The following ESR2 variants were observed in gnomAD, a reference collection of about 807,000 sequenced individuals.
ESR2 encodes estrogen receptor beta.
ESR2 carries 36 observed loss-of-function variants against 49.6 expected under a neutral mutation model. The observed-to-expected ratio is 0.73, with a 90% confidence interval of 0.56 to 0.96. The LOEUF (loss-of-function observed/expected upper bound fraction) is 0.96. Ranked by LOEUF, ESR2 falls within the 40% of genes least tolerant of loss-of-function variation. The pLI, the probability that ESR2 is intolerant of heterozygous loss-of-function variation, is 0.00. For synonymous variants in ESR2, 320 were observed against 266.1 expected, an observed-to-expected ratio of 1.20 and a Z score of -1.97; for missense variants, 714 against 693.0, an observed-to-expected ratio of 1.03 and a Z score of -0.34.
In ESR2 at chr14:64,230,864, A is replaced by ATT. The variant is rs1301819610; in HGVS notation, c.*2271_*2272dup. 2 of 83,190 alleles carry ATT rather than the reference A, an allele frequency of 2.4e-5. No individual in the cohort carries two copies. The highest frequency in any genetic ancestry group is 2.2e-4 in the East Asian group (1 of 4,596). The allele number at this position is 83,190 out of a possible 1,614,324, so 5.2% of individuals were successfully genotyped here. ...TAAGATCTACTCTCAAAAAAAAAAAATTATATATATATATATATATATATT... is the reference window on the plus strand; with the variant it reads ...TAAGATCTACTCTCAAAAAAAAAAAATTTTATATATATATATATATATATATT... On this transcript the variant is annotated 3_prime_UTR_variant, in exon 9 of 9. Transcript: ENST00000341099.
chr14:64,235,241 A>T (rs1204934691), intron 7 of ESR2, 91 bp from the exon 8 acceptor site: 9 of 1,400,206 alleles, frequency 6.4e-6, no homozygotes, highest in Non-Finnish European at 7.8e-6. Context: ...CTCCGAGGTG[A>T]TCTGGGTTGC....
intron 1 of ESR2, among the ~76,000 whole-genome samples, chr14:64,324,666 G>A (rs73269927): frequency 0.045 from 6,791 of 152,194 alleles, 320 homozygotes; most frequent in African/African-American, 0.12. Context: ...TGCTGAGTAA[G>A]CATCTGAATT....
intron 1 of ESR2, among the ~76,000 whole-genome samples, chr14:64,288,813 C>T (rs1026854764): frequency 3.3e-5 from 5 of 150,948 alleles, no homozygotes; most frequent in African/African-American, 7.3e-5. Flanking sequence ...ATGGAGAAAC[C>T]CAGTCTCTAC....
At position 64,229,599 on chromosome 14, in the gene ESR2, A is replaced by G. The variant is rs1596356070; in HGVS notation, c.*3538T>C. ...ACCTGATAGATTCTGCAGTTTTAAAATATTTTTCTTTAAATTTTTAAACTG... is the reference window on the plus strand; with the variant it reads ...ACCTGATAGATTCTGCAGTTTTAAAGTATTTTTCTTTAAATTTTTAAACTG... On this transcript the variant is annotated 3_prime_UTR_variant, in exon 9 of 9. Transcript: ENST00000341099. Among the ~76,000 whole-genome samples the G allele has an allele frequency of 6.6e-6, 1 of 152,200 alleles. No individual in the cohort carries two copies. Among genetic ancestry groups the G allele is most frequent in the East Asian group, 1.9e-4 (1 of 5,192 alleles).
intron 3 of ESR2, among the ~76,000 whole-genome samples, chr14:64,278,086 G>A (rs932751983): frequency 3.3e-5 from 5 of 152,140 alleles, no homozygotes; most frequent in African/African-American, 4.8e-5. Flanking sequence ...AATAGTCATC[G>A]TATCAAGAAT....
chr14:64,282,199 G>A (rs902106233), intron 2 of ESR2, among the ~76,000 whole-genome samples: 1 of 152,140 alleles, frequency 6.6e-6, no homozygotes, highest in African/African-American at 2.4e-5. Flanking sequence ...TAAAAAATGA[G>A]CTGGGCGTGG....
chr14:64,261,182 G>T (rs2076213103), intron 4 of ESR2, among the ~76,000 whole-genome samples: 1 of 149,418 alleles, frequency 6.7e-6, no homozygotes, highest in African/African-American at 2.5e-5. Flanking sequence ...ATATAGAAGA[G>T]AATAAATTTT....
intron 3 of ESR2, among the ~76,000 whole-genome samples, chr14:64,272,652 C>T (rs575968482): frequency 2.6e-5 from 4 of 152,006 alleles, no homozygotes; most frequent in Admixed American, 2.0e-4. Flanking sequence ...ATTGAAGAGA[C>T]TATTTTCAAA....
At chr14:64,267,205 C>G (rs1210936128) in intron 4 of ESR2, among the ~76,000 whole-genome samples, 1 of 152,138 alleles carries the variant, frequency 6.6e-6, no homozygotes, top group Non-Finnish European at 1.5e-5. Context: ...AGAAAAAAAC[C>G]AAACTTGTCT....
chr14:64,260,647 C>T lies in ESR2; in HGVS notation c.754G>A (p.Ala252Thr), dbSNP rs543025691. 40 of 1,607,790 alleles carry T rather than the reference C, an allele frequency of 2.5e-5. No homozygotes were observed. The Admixed American group carries it at 3.7e-4, about 15-fold the overall frequency. ...AGKAKRSGGH[A>T]PRVRELLLDA... ...AGCAGCAGCTCCCGCACTCGGGGCGCGTGGCCGCCACTTCTCTTGGCCTTG... is the reference window on the plus strand; with the variant it reads ...AGCAGCAGCTCCCGCACTCGGGGCGTGTGGCCGCCACTTCTCTTGGCCTTG... Residue 252 changes from alanine to threonine, a missense_variant, in exon 5 of 9, where the codon GCG becomes ACG. Coordinates refer to ENST00000341099, the MANE Select transcript of ESR2 (RefSeq NM_001437.3).
Position 64,282,827 on chromosome 14 carries a change from C to G in ESR2, c.159G>C (p.Val53=). The part of the protein sequence containing the change: ...YPAMTFYSPA[V]MNYSIPSNVT... ...CATTGCTGGGAATGCTGTAATTCAT[C>G]ACAGCAGGGCTATAGAATGTCATGG... The change falls in exon 2 of 9, where the codon GTG becomes GTC. Residue 53 remains valine (V), a synonymous_variant. Transcript: ENST00000341099. 6.2e-7 allele frequency: 1 copy of G among 1,614,010 alleles called. No homozygotes were observed. Among genetic ancestry groups the G allele is most frequent in the Non-Finnish European group, 8.5e-7 (1 of 1,179,844 alleles).
chr14:64,289,465 T>C (rs1294690864), intron 1 of ESR2, among the ~76,000 whole-genome samples: 2 of 151,860 alleles, frequency 1.3e-5, no homozygotes, highest in Admixed American at 6.6e-5. Flanking sequence ...TGAGCTGAGA[T>C]TGTGCCATTA....
rs1335985951 is a variant in ESR2 at position 64,312,834 on chromosome 14, G to A, written c.-91+25064C>T. 7.9e-5 allele frequency among the ~76,000 whole-genome samples: 12 copies of A among 151,884 alleles called. No homozygotes were observed. The South Asian group carries it at 1.0e-3, about 13-fold the overall frequency. ...CAAGGCAGGAGAATCACTTGAACCC[G>A]GGAGGCAGAGGTTGCAGTGAGCCAA... On this transcript the variant is annotated intron_variant, in intron 1 of 8. Transcript: ENST00000358599.
chr14:64,260,559 A>C lies in ESR2; in HGVS notation c.842T>G (p.Leu281Arg). Residue 281 changes from leucine to arginine, a missense_variant, in exon 5 of 9, where the codon CTG becomes CGG. Leu to Arg is a moderately radical substitution (Grantham distance 102). Coordinates refer to ENST00000341099, the MANE Select transcript of ESR2 (RefSeq NM_001437.3). Reference sequence around the variant, plus strand: ...GAAGGGCGCACTGGGGCGGCTGATCAGCACATGGGGCGGCTCAGCCTCCAG... The same window carrying C: ...GAAGGGCGCACTGGGGCGGCTGATCCGCACATGGGGCGGCTCAGCCTCCAG... ...TLLEAEPPHV[L>R]ISRPSAPFTE... 1 of 1,587,714 alleles carries C rather than the reference A, an allele frequency of 6.3e-7. No homozygotes were observed. The highest frequency in any genetic ancestry group is 8.6e-7 in the Non-Finnish European group (1 of 1,166,506).
chr14:64,305,429 G>A (rs1469838127), intron 1 of ESR2, among the ~76,000 whole-genome samples: 2 of 151,896 alleles, frequency 1.3e-5, no homozygotes, highest in Non-Finnish European at 2.9e-5. Flanking sequence ...CCAGCACTTT[G>A]GGAGGCCAAG....
In ESR2 at chr14:64,268,780, G is replaced by C; in HGVS notation, c.652+15C>G. ...GCAAGGCCCATATTCAATAAGAAGG[G>C]AAGCAAGCACTCACCACACTTCACC... is the stretch of plus-strand genomic sequence containing the variant. On this transcript the variant is annotated intron_variant, in intron 4 of 8. Transcript: ENST00000341099. 1 of 1,499,516 alleles carries C rather than the reference G, an allele frequency of 6.7e-7. No individual in the cohort carries two copies. Among genetic ancestry groups the C allele is most frequent in the Non-Finnish European group, 9.3e-7 (1 of 1,076,776 alleles). The allele number at this position is 1,499,516 out of a possible 1,614,324, so 92.9% of individuals were successfully genotyped here. A position where few individuals can be genotyped will look rare whatever the true frequency, so the allele number is the denominator to read the frequency against.
intron 6 of ESR2, among the ~76,000 whole-genome samples, chr14:64,250,187 T>C (rs1314189024): frequency 6.6e-6 from 1 of 152,190 alleles, no homozygotes; most frequent in East Asian, 1.9e-4. Flanking sequence ...GGTGGTCACT[T>C]AGAAACTTGT....
intron 1 of ESR2, among the ~76,000 whole-genome samples, chr14:64,315,672 T>C (rs1156820998): frequency 6.6e-6 from 1 of 151,224 alleles, no homozygotes; most frequent in Non-Finnish European, 1.5e-5. Context: ...TTTTTTTTTT[T>C]TGAGATGGAG....
At chr14:64,295,342 C>T (rs1567786166), upstream of ESR2, among the ~76,000 whole-genome samples, 2 of 152,156 alleles carry the variant, frequency 1.3e-5, no homozygotes, top group Non-Finnish European at 2.9e-5. Context: ...TTTTACAGTA[C>T]CAGCCTCAGC....
Sources: gnomAD v4.1 joint callset for allele counts (sites outside exome capture counted in the v4.1 genomes callset) on GRCh38, gnomAD v4.1.1 for gene constraint, MANE v1.5 for transcripts, NCBI Gene and HGNC (gene_info 2026-07-23, HGNC 2026-07-21) for gene names.